MEI1: variants seen among roughly 807,000 people sequenced by gnomAD.
The protein encoded by MEI1 is meiosis inhibitor protein 1.
MEI1 carries 103 observed loss-of-function variants against 146.2 expected under a neutral mutation model. That is an observed-to-expected ratio of 0.70 (90% confidence interval 0.60 to 0.83). The LOEUF is 0.83. Ranked by LOEUF, MEI1 falls within the 40% of genes least tolerant of loss-of-function variation. MEI1 has a pLI of 0.00. For synonymous variants in MEI1, 652 were observed against 628.2 expected (o/e 1.04, Z -0.57); for missense variants, 1,529 against 1,533.0 (o/e 1.00, Z 0.04).
intron 26 of MEI1, among the ~76,000 whole-genome samples, chr22:41,785,918 T>A (rs1295288579): frequency 2.8e-5 from 4 of 142,752 alleles, no homozygotes; most frequent in Non-Finnish European, 6.1e-5. Context: ...TTATTTTATT[T>A]TTTTTTTTTT....
At chr22:41,711,922 T>A (rs1250355797) in intron 3 of MEI1, among the ~76,000 whole-genome samples, 1 of 151,594 alleles carries the variant, frequency 6.6e-6, no homozygotes, top group Admixed American at 6.6e-5. Flanking sequence ...AAAATAGCAG[T>A]TTTTGGCCAG....
chr22:41,701,332 A>G (rs1378175355), intron 1 of MEI1, among the ~76,000 whole-genome samples: 2 of 152,094 alleles, frequency 1.3e-5, no homozygotes, highest in South Asian at 4.1e-4. Context: ...GTGGGAGAAT[A>G]AGAATGAGAA....
chr22:41,776,974 C>G (rs2075472733), intron 21 of MEI1, among the ~76,000 whole-genome samples: 1 of 150,982 alleles, frequency 6.6e-6, no homozygotes, highest in Non-Finnish European at 1.5e-5. Context: ...GCCACGACAC[C>G]CAGCTAATTT....
At chr22:41,776,381 G>T (rs985342945) in intron 21 of MEI1, 114 bp downstream of exon 21, 10 of 1,172,990 alleles carry the variant, frequency 8.5e-6, no homozygotes, top group Non-Finnish European at 1.1e-5. Flanking sequence ...ATCTGAAAAA[G>T]AAAGCCAGGC....
chr22:41,718,731 G>C (rs983333672), intron 6 of MEI1, among the ~76,000 whole-genome samples: 1 of 152,062 alleles, frequency 6.6e-6, no homozygotes, highest in African/African-American at 2.4e-5. Flanking sequence ...GAAATTTATT[G>C]GTTTGTAGTT....
Position 41,699,635 on chromosome 22 carries a change from C to G in MEI1, c.97C>G (p.Pro33Ala). ...CGAGAGGGCCCATTACCGGCACGAC[C>G]CGCGCTGGCTGCTGCCCGTGACCCC... ...LFERAHYRHD[P>A]RWLLPVTPRL... The change falls in exon 1 of 31, where the codon CCG (proline) becomes GCG (alanine). Residue 33 changes from proline (P) to alanine (A), a missense_variant. By Grantham distance (27) the Pro-to-Ala change is conservative. Coordinates refer to ENST00000401548, the MANE Select transcript of MEI1 (RefSeq NM_152513.4). The G allele has an allele frequency of 6.2e-7, 1 of 1,606,710 alleles. No individual in the cohort carries two copies. Among genetic ancestry groups the G allele is most frequent in the Non-Finnish European group, 8.5e-7 (1 of 1,177,048 alleles).
chr22:41,705,710 T>A (rs1181793860), intron 3 of MEI1, among the ~76,000 whole-genome samples, 156 bp downstream of exon 3: 1 of 105,736 alleles, frequency 9.5e-6, no homozygotes, highest in African/African-American at 1.6e-4. Flanking sequence ...GTTTTTTACT[T>A]TTTTTTTTTT....
chr22:41,732,438 A>G lies in MEI1; in HGVS notation c.1197-31A>G, dbSNP rs754560636. ...CTGGTGGGGTCAGTGAGAAGAGTTC[A>G]CCTACTCGTTTCTCATCTTCCATTT... is the stretch of plus-strand genomic sequence containing the variant. On this transcript the variant is annotated intron_variant, in intron 10 of 30. Coordinates refer to ENST00000401548, the MANE Select transcript of MEI1 (RefSeq NM_152513.4). 3.1e-6 allele frequency: 5 copies of G among 1,613,688 alleles called. No individual in the cohort carries two copies. In the South Asian group the frequency reaches 5.5e-5, roughly 18 times the overall value.
intron 17 of MEI1, among the ~76,000 whole-genome samples, chr22:41,754,325 A>G (rs1031699782): frequency 2.6e-5 from 4 of 152,236 alleles, no homozygotes; most frequent in Admixed American, 6.5e-5. Flanking sequence ...CTCCTCTGCA[A>G]CATCCCCATA....
chr22:41,718,351 C>G, intron 6 of MEI1, 77 bp downstream of exon 6: 1 of 1,413,344 alleles, frequency 7.1e-7, no homozygotes, highest in Non-Finnish European at 9.7e-7. Context: ...ATTGGGTTCT[C>G]TAGTAGTGGG....
intron 4 of MEI1, 64 bp from the exon 5 acceptor site, chr22:41,715,977 C>A: frequency 8.3e-7 from 1 of 1,200,562 alleles, no homozygotes; most frequent in South Asian, 1.4e-5. Flanking sequence ...AGGGAAAGAT[C>A]AGTTTTGGTG....
chr22:41,754,052 A>G lies in MEI1; in HGVS notation c.1951+6A>G. 6.2e-7 allele frequency: 1 copy of G among 1,601,630 alleles called. No homozygotes were observed. ...AGGACCACCTTCCAAAGAAGGTAAG[A>G]TGCTACAATTTGACCACTCATGTGG... On this transcript the variant is annotated splice_donor_region_variant and intron_variant, in intron 17 of 30. Transcript: ENST00000401548.
intron 17 of MEI1, 102 bp downstream of exon 17, chr22:41,754,148 T>C (rs2073948508): frequency 2.4e-6 from 2 of 824,866 alleles, no homozygotes; most frequent in Non-Finnish European, 4.1e-6. Flanking sequence ...GCCACGAGAT[T>C]TCTTTGCCTG....
intron 2 of MEI1, among the ~76,000 whole-genome samples, chr22:41,704,128 T>A (rs1228688179): frequency 6.6e-6 from 1 of 152,240 alleles, no homozygotes; most frequent in Non-Finnish European, 1.5e-5. Context: ...TGAAGTATGA[T>A]AGATTAAATT....
At chr22:41,729,160 G>A (rs576286311) in intron 7 of MEI1, among the ~76,000 whole-genome samples, 29 of 41,982 alleles carry the variant, frequency 6.9e-4, no homozygotes, top group African/African-American at 3.5e-3. Flanking sequence ...GTGAGACTCC[G>A]TCTCAAAAAA....
chr22:41,771,397 A>G (rs1419269386), intron 20 of MEI1, among the ~76,000 whole-genome samples: 1 of 152,204 alleles, frequency 6.6e-6, no homozygotes, highest in Non-Finnish European at 1.5e-5. Flanking sequence ...TATTATATGT[A>G]CATTACTTGC....
intron 1 of MEI1, among the ~76,000 whole-genome samples, chr22:41,700,696 T>C (rs1329534004): frequency 1.3e-5 from 2 of 151,920 alleles, no homozygotes; most frequent in East Asian, 3.9e-4. Flanking sequence ...TTCTCTCCAA[T>C]TCATGGGAGG....
intron 11 of MEI1, among the ~76,000 whole-genome samples, chr22:41,742,240 A>G (rs1023390724): frequency 5.9e-5 from 9 of 152,176 alleles, no homozygotes; most frequent in African/African-American, 2.2e-4. Flanking sequence ...AGCCTGGGTG[A>G]CAGAGTGAGA....
intron 26 of MEI1, among the ~76,000 whole-genome samples, chr22:41,790,858 G>A (rs868660028): frequency 1.3e-5 from 2 of 152,170 alleles, no homozygotes; most frequent in South Asian, 4.2e-4. Flanking sequence ...CGAAGTGCTG[G>A]GATTACAGGC....
Sources: gnomAD v4.1 joint callset for allele counts (sites outside exome capture counted in the v4.1 genomes callset) on GRCh38, gnomAD v4.1.1 for gene constraint, MANE v1.5 for transcripts, NCBI Gene and HGNC (gene_info 2026-07-23, HGNC 2026-07-21) for gene names.